Variants in ZNF184 observed in about 807,000 individuals in gnomAD.
ZNF184 encodes the protein zinc finger protein 184 (Kruppel-like).
ZNF184 carries 16 observed loss-of-function variants against 54.4 expected under a neutral mutation model. The observed-to-expected ratio is 0.29, with a 90% CI of 0.20 to 0.45. ZNF184 has a LOEUF of 0.45. Ranked by LOEUF, ZNF184 falls within the 20% of genes least tolerant of loss-of-function variation. ZNF184 has a pLI of 1.00. For synonymous variants in ZNF184, 254 were observed against 295.3 expected (o/e 0.86, Z 1.43); for missense variants, 681 against 888.2 (o/e 0.77, Z 2.97).
the ZNF184 span, among the ~76,000 whole-genome samples, chr6:27,425,330 G>A: frequency 6.6e-6 from 1 of 152,268 alleles, no homozygotes; most frequent in African/African-American, 2.4e-5. Flanking sequence ...GGGAGCCCAG[G>A]CAGAGGAGGC....
the ZNF184 span, among the ~76,000 whole-genome samples, chr6:27,430,717 A>C: frequency 6.6e-6 from 1 of 152,188 alleles, no homozygotes; most frequent in African/African-American, 2.4e-5. Flanking sequence ...AATGAGAATA[A>C]ATCTCTGTTG....
the ZNF184 span, among the ~76,000 whole-genome samples, chr6:27,425,388 C>G: frequency 6.6e-6 from 1 of 152,356 alleles, no homozygotes; most frequent in African/African-American, 2.4e-5. Flanking sequence ...GCTGTCACCT[C>G]TCACTGTGAC....
chr6:27,470,986 T>C (rs1476863823), intron 2 of ZNF184, among the ~76,000 whole-genome samples: 2 of 152,204 alleles, frequency 1.3e-5, no homozygotes, highest in East Asian at 3.8e-4. Context: ...ACCTACATTA[T>C]TCACATGACT....
At chr6:27,436,173 TTTG>T in the ZNF184 span, among the ~76,000 whole-genome samples, 73 of 152,202 alleles carry the variant, frequency 4.8e-4, no homozygotes, top group Non-Finnish European at 8.7e-4. Context: ...GTGTGTTTTT[TTTG>T]TTGTTGTTTT....
the ZNF184 span, among the ~76,000 whole-genome samples, chr6:27,441,612 A>G: frequency 3.5e-4 from 53 of 152,208 alleles, no homozygotes; most frequent in African/African-American, 1.1e-3. Context: ...TTATAAGAAT[A>G]GGTATGGTGA....
rs201051660 is a variant in ZNF184 at position 27,457,424 on chromosome 6, A to G, written c.76-15T>C. Reference sequence around the variant, plus strand: ...GTCACCGCTTCCTGAAATACCAAACATATTTCTGCTTAGCCATAAGCATTT... The same window carrying G: ...GTCACCGCTTCCTGAAATACCAAACGTATTTCTGCTTAGCCATAAGCATTT... On this transcript the variant is annotated splice_polypyrimidine_tract_variant and intron_variant, in intron 3 of 5. Coordinates refer to ENST00000683788, the MANE Select transcript of ZNF184 (RefSeq NM_001318891.2). The G allele has an allele frequency of 7.5e-3, 12,131 of 1,613,302 alleles. 69 individuals carry two copies. Among genetic ancestry groups the G allele is most frequent in the Non-Finnish European group, 9.5e-3 (11,172 of 1,179,598 alleles).
chr6:27,417,672 G>A, the ZNF184 span, among the ~76,000 whole-genome samples: 1 of 152,090 alleles, frequency 6.6e-6, no homozygotes, highest in Non-Finnish European at 1.5e-5. Flanking sequence ...GGACTTCATT[G>A]CTTGAGGCCG....
rs781041229 is a variant in ZNF184, at chr6:27,451,346, C to T, written c.2213G>A (p.Arg738His). The T allele has an allele frequency of 2.1e-5, 34 of 1,613,170 alleles. No homozygotes were observed. The highest frequency in any genetic ancestry group is 4.5e-5 in the East Asian group (2 of 44,892). Residue 738 changes from arginine (R) to histidine (H), a missense_variant, in exon 6 of 6, where the codon CGC becomes CAC. Coordinates refer to ENST00000683788, the MANE Select transcript of ZNF184 (RefSeq NM_001318891.2). ...CNDCGKSFRYRSALNKHQRLH... is the reference protein window; with the variant it reads ...CNDCGKSFRYHSALNKHQRLH... Reference sequence around the variant, plus strand: ...TCTCTGATGTTTGTTGAGAGCAGAGCGATATCTGAAGGATTTTCCACAATC... The same window carrying T: ...TCTCTGATGTTTGTTGAGAGCAGAGTGATATCTGAAGGATTTTCCACAATC...
rs771209722 is a variant in ZNF184, at chr6:27,452,638, T to G, written c.921A>C (p.Lys307Asn). The G allele has an allele frequency of 6.2e-7, 1 of 1,613,712 alleles. No individual in the cohort carries two copies. Among genetic ancestry groups the G allele is most frequent in the Non-Finnish European group, 8.5e-7 (1 of 1,179,906 alleles). Reference sequence around the variant, plus strand: ...TAAAGGCTTTCCCACATTCATCACATTTATATGGTTTTTCTCCAGTATGAA... The same window carrying G: ...TAAAGGCTTTCCCACATTCATCACAGTTATATGGTTTTTCTCCAGTATGAA... ...QRIHTGEKPYKCDECGKAFSQ... is the reference protein window; with the variant it reads ...QRIHTGEKPYNCDECGKAFSQ... Residue 307 changes from lysine (K) to asparagine (N), a missense_variant, in exon 6 of 6, where the codon AAA becomes AAC. Coordinates refer to ENST00000683788, the MANE Select transcript of ZNF184 (RefSeq NM_001318891.2). This position sits in a 1 kb window ranked among gnomAD's most constrained non-coding sequence, Gnocchi z 5.5.
intron 3 of ZNF184, among the ~76,000 whole-genome samples, chr6:27,461,834 A>G (rs1763002056): frequency 7.9e-6 from 1 of 127,258 alleles, no homozygotes; most frequent in Non-Finnish European, 1.8e-5. Flanking sequence ...AAGACACAGT[A>G]CTGGAGCGGA....
At chr6:27,455,538 C>A (rs1762832076) in intron 5 of ZNF184, among the ~76,000 whole-genome samples, 1 of 151,326 alleles carries the variant, frequency 6.6e-6, no homozygotes, top group Non-Finnish European at 1.5e-5. Context: ...TATTAAAGTT[C>A]TTCTTCTTTT....
the ZNF184 span, among the ~76,000 whole-genome samples, chr6:27,424,766 C>G: frequency 6.6e-6 from 1 of 152,262 alleles, no homozygotes; most frequent in South Asian, 2.1e-4. Flanking sequence ...TGGCTTCACC[C>G]AGTGGACCCC....
intron 2 of ZNF184, among the ~76,000 whole-genome samples, chr6:27,469,325 G>A (rs1427222023): frequency 3.3e-5 from 5 of 152,156 alleles, no homozygotes; most frequent in African/African-American, 1.2e-4. Flanking sequence ...GACTAGTGAG[G>A]GAAGATGTCT....
the ZNF184 span, chr6:27,405,667 C>G: frequency 6.6e-6 from 1 of 152,402 alleles, no homozygotes; most frequent in African/African-American, 2.4e-5. Flanking sequence ...CTGTGCTGTC[C>G]CAGTCTGGGG....
chr6:27,452,579 A>G lies in ZNF184; in HGVS notation c.980T>C (p.Ile327Thr). Residue 327 changes from isoleucine (I) to threonine (T), a missense_variant, in exon 6 of 6, where the codon ATT becomes ACT. Transcript: ENST00000683788. The surrounding 1 kb of genome is among the most constrained non-coding windows in gnomAD (Gnocchi z 5.5). ...AGTGTATGGCTTCTCGCCAGTATGA[A>G]TTCTCTGATGCTGAACAAGATGGGT... ...QRTHLVQHQR[I>T]HTGEKPYTCN... is the part of the protein sequence containing the mutation. 6.2e-7 allele frequency: 1 copy of G among 1,613,970 alleles called. No homozygotes were observed. The highest frequency in any genetic ancestry group is 8.5e-7 in the Non-Finnish European group (1 of 1,179,986).
rs768232376 is a variant in ZNF184, at chr6:27,452,568, C to T, written c.991G>A (p.Glu331Lys). The change falls in exon 6 of 6, where the codon GAG (glutamate) becomes AAG (lysine). Residue 331 changes from glutamate to lysine, a missense_variant. Transcript: ENST00000683788. This position sits in a 1 kb window ranked among gnomAD's most constrained non-coding sequence, Gnocchi z 5.5. ...CACTCATTACAAGTGTATGGCTTCTCGCCAGTATGAATTCTCTGATGCTGA... is the reference window on the plus strand; with the variant it reads ...CACTCATTACAAGTGTATGGCTTCTTGCCAGTATGAATTCTCTGATGCTGA... ...LVQHQRIHTGEKPYTCNECGK... is the reference protein window; with the variant it reads ...LVQHQRIHTGKKPYTCNECGK... The T allele has an allele frequency of 8.7e-6, 14 of 1,614,042 alleles. No homozygotes were observed. Among genetic ancestry groups the T allele is most frequent in the African/African-American group, 1.3e-5 (1 of 75,028 alleles).
chr6:27,421,711 T>C, the ZNF184 span, among the ~76,000 whole-genome samples: 90,415 of 151,978 alleles, frequency 0.59, 27,237 homozygotes, highest in Middle Eastern at 0.75. Context: ...AACTGAAAGA[T>C]GGAGTTTGGT....
intron 3 of ZNF184, among the ~76,000 whole-genome samples, chr6:27,464,221 T>C (rs1047345799): frequency 2.6e-5 from 4 of 152,360 alleles, no homozygotes; most frequent in African/African-American, 9.6e-5. Context: ...ACAATGAGCA[T>C]TGTAATAATT....
At chr6:27,467,723 A>G in intron 3 of ZNF184, 130 bp downstream of exon 3, 1 of 761,064 alleles carries the variant, frequency 1.3e-6, no homozygotes, top group Non-Finnish European at 2.0e-6. Flanking sequence ...GAATGCGGTT[A>G]CTAGACAGAT....
Sources: gnomAD v4.1 joint callset for allele counts (sites outside exome capture counted in the v4.1 genomes callset) on GRCh38, gnomAD v4.1.1 for gene constraint, Gnocchi (gnomAD v3.1) non-coding constraint, MANE v1.5 for transcripts, NCBI Gene and HGNC (gene_info 2026-07-23, HGNC 2026-07-21) for gene names.